The following GALNT16 variants were observed in gnomAD, a reference collection of about 807,000 sequenced individuals.
The protein encoded by GALNT16 is UDP-GalNAc:polypeptide N-acetylgalactosaminyltransferase-like protein 1.
Under a neutral mutation model 76.1 loss-of-function variants are expected in GALNT16, and 40 were observed. The observed-to-expected ratio is 0.53, with a 90% confidence interval of 0.41 to 0.68. The LOEUF (loss-of-function observed/expected upper bound fraction) is 0.68. Among genes scored for constraint, GALNT16 ranks in the 30% least tolerant of loss-of-function variants. The probability of loss-of-function intolerance (pLI) is 0.00; values close to 1 mark genes in which losing one functional copy is unlikely to be tolerated. For synonymous variants in GALNT16, 276 were observed against 285.2 expected, an observed-to-expected ratio of 0.97 and a Z score of 0.32; for missense variants, 621 against 731.9, an observed-to-expected ratio of 0.85 and a Z score of 1.75.
chr14:69,304,099 A>G (rs552097563), intron 1 of GALNT16, among the ~76,000 whole-genome samples: 1 of 152,254 alleles, frequency 6.6e-6, no homozygotes, highest in Non-Finnish European at 1.5e-5. Context: ...ACGTTTAATG[A>G]TGACACTTTA....
At chr14:69,263,413 G>A (rs1200088262) in intron 1 of GALNT16, among the ~76,000 whole-genome samples, 1 of 152,180 alleles carries the variant, frequency 6.6e-6, no homozygotes, top group Non-Finnish European at 1.5e-5. Context: ...TGTGGTAACC[G>A]CTTATTCAGA....
intron 1 of GALNT16, among the ~76,000 whole-genome samples, chr14:69,297,858 C>T (rs1024951804): frequency 5.3e-5 from 8 of 152,060 alleles, no homozygotes; most frequent in African/African-American, 1.7e-4. Context: ...ATAATACTAC[C>T]GACTTACTGA....
intron 10 of GALNT16, 94 bp from the exon 11 acceptor site, chr14:69,339,433 T>C: frequency 2.5e-6 from 2 of 802,438 alleles, no homozygotes; most frequent in South Asian, 2.8e-5. Context: ...GAGATTCTCA[T>C]CGTCCTGTAT....
At chr14:69,322,994 GCGCACGCA>G (rs2045224747) in intron 2 of GALNT16, among the ~76,000 whole-genome samples, 1 of 34,456 alleles carries the variant, frequency 2.9e-5, no homozygotes, top group African/African-American at 2.7e-4. Flanking sequence ...GCGCGCACGC[GCGCACGCA>G]TGCACACGTG....
intron 1 of GALNT16, among the ~76,000 whole-genome samples, chr14:69,300,806 C>A (rs559219530): frequency 6.6e-6 from 1 of 152,174 alleles, no homozygotes; most frequent in African/African-American, 2.4e-5. Context: ...TTCCTACCCC[C>A]ACACTCCCCT....
In GALNT16 at chr14:69,312,038, TA is replaced by T. The variant is rs67438255; in HGVS notation, c.178-8656del. Reference sequence around the variant, plus strand: ...GCGTAACATAGCAAGATCCTGTTTCTAAAAAAAAAAAAAAAAATCTGTCTAT... The same window carrying T: ...GCGTAACATAGCAAGATCCTGTTTCTAAAAAAAAAAAAAAAATCTGTCTAT... On this transcript the variant is annotated intron_variant, in intron 1 of 14. Transcript: ENST00000448469. Among the ~76,000 whole-genome samples, 1,104 of 125,682 alleles carry T rather than the reference TA, an allele frequency of 8.8e-3. 9 individuals are homozygous for T. The highest frequency in any genetic ancestry group is 0.025 in the East Asian group (91 of 3,656). The allele number at this position is 125,682 out of a possible 152,430, so 82.5% of individuals were successfully genotyped here. A position where few individuals can be genotyped will look rare whatever the true frequency, so the allele number is the denominator to read the frequency against.
chr14:69,347,004 G>A (rs1248659491), intron 12 of GALNT16, 36 bp from the exon 13 acceptor site: 11 of 1,613,612 alleles, frequency 6.8e-6, no homozygotes, highest in Non-Finnish European at 9.3e-6. Flanking sequence ...GCCTTGGGGG[G>A]GAAAGCACAA....
intron 9 of GALNT16, among the ~76,000 whole-genome samples, chr14:69,334,787 GGGAACCCAGC>G (rs2045396760): frequency 6.6e-6 from 1 of 152,180 alleles, no homozygotes; most frequent in Admixed American, 6.5e-5. Flanking sequence ...GCCTGAGGAA[GGGAACCCAGC>G]AGTGCAGCCC....
At chr14:69,357,100 G>A (rs1451951161), downstream of GALNT16, 2 of 152,170 alleles carry the variant, frequency 1.3e-5, no homozygotes, top group Non-Finnish European at 2.9e-5. Flanking sequence ...CCCTGCCCTC[G>A]AGAACAAATA....
intron 6 of GALNT16, among the ~76,000 whole-genome samples, chr14:69,330,377 A>G (rs1018365696): frequency 5.9e-5 from 9 of 152,254 alleles, no homozygotes; most frequent in African/African-American, 2.2e-4. Context: ...AAGCAAATCT[A>G]TAGAAACAGA....
chr14:69,305,045 C>A (rs371235680), intron 1 of GALNT16, among the ~76,000 whole-genome samples: 1 of 150,886 alleles, frequency 6.6e-6, no homozygotes, highest in Non-Finnish European at 1.5e-5. Flanking sequence ...AGCTTCCATA[C>A]TGTTTTCTGT....
intron 1 of GALNT16, among the ~76,000 whole-genome samples, chr14:69,301,768 G>T (rs2044855972): frequency 6.6e-6 from 1 of 152,120 alleles, no homozygotes; most frequent in Admixed American, 6.5e-5. Context: ...GCAGGCAGAT[G>T]ATTTGAGCTC....
intron 9 of GALNT16, among the ~76,000 whole-genome samples, chr14:69,336,627 C>T (rs1406227378): frequency 6.6e-6 from 1 of 152,208 alleles, no homozygotes; most frequent in Non-Finnish European, 1.5e-5. Context: ...CATCCACTGG[C>T]CCTCTTCAGC....
chr14:69,291,527 A>G (rs2044686837), intron 1 of GALNT16, among the ~76,000 whole-genome samples: 1 of 152,184 alleles, frequency 6.6e-6, no homozygotes, highest in South Asian at 2.1e-4. Context: ...GGTCAGAACA[A>G]TGGGAAAGGC....
chr14:69,375,149 C>T, the GALNT16 span, among the ~76,000 whole-genome samples: 1 of 152,146 alleles, frequency 6.6e-6, no homozygotes, highest in Non-Finnish European at 1.5e-5. Context: ...AAAGCATCCC[C>T]CTTCATCCCT....
At chr14:69,369,587 C>A in the GALNT16 span, among the ~76,000 whole-genome samples, 1 of 152,184 alleles carries the variant, frequency 6.6e-6, no homozygotes, top group Non-Finnish European at 1.5e-5. Flanking sequence ...GTTAACTTTT[C>A]TTCAATAGGA....
At chr14:69,306,072 A>G (rs2044928687) in intron 1 of GALNT16, among the ~76,000 whole-genome samples, 1 of 152,170 alleles carries the variant, frequency 6.6e-6, no homozygotes, top group South Asian at 2.1e-4. Flanking sequence ...TCAGTTGACC[A>G]TATATGGATG....
At chr14:69,312,168 T>A (rs1282642907) in intron 1 of GALNT16, among the ~76,000 whole-genome samples, 1 of 152,098 alleles carries the variant, frequency 6.6e-6, no homozygotes, top group Admixed American at 6.6e-5. Context: ...GGAGGATCAC[T>A]TGAGCCTAGG....
At chr14:69,342,474 A>AAGGGAGGAAGGCAGGGAGGGAGGG (rs1280297296) in intron 12 of GALNT16, among the ~76,000 whole-genome samples, 663 of 31,410 alleles carry the variant, frequency 0.021, 40 homozygotes, top group Non-Finnish European at 0.032. Flanking sequence ...AGAAGGAAGG[A>AAGGGAGGAAGGCAGGGAGGGAGGG]AGGGAGGGAG....
Sources: gnomAD v4.1 joint callset for allele counts (sites outside exome capture counted in the v4.1 genomes callset) on GRCh38, gnomAD v4.1.1 for gene constraint, MANE v1.5 for transcripts, NCBI Gene and HGNC (gene_info 2026-07-23, HGNC 2026-07-21) for gene names.